The following SCFD2 variants were observed in gnomAD, a reference collection of about 807,000 sequenced individuals.
The protein encoded by SCFD2 is sec1 family domain containing 2.
In SCFD2, 54 loss-of-function variants were observed where a neutral mutation model predicts 58.9. The observed-to-expected ratio is 0.92, with a 90% CI of 0.74 to 1.15. The LOEUF (loss-of-function observed/expected upper bound fraction) is 1.15. Among genes scored for constraint, SCFD2 ranks in the 50% most tolerant of loss-of-function variants. SCFD2 has a pLI of 0.00. For missense variants in SCFD2, 805 were observed against 836.6 expected (o/e 0.96, Z 0.47); for synonymous variants, 321 against 335.9 (o/e 0.96, Z 0.49).
chr4:52,970,736 C>T (rs1359812369), intron 5 of SCFD2, among the ~76,000 whole-genome samples: 1 of 152,222 alleles, frequency 6.6e-6, no homozygotes, highest in Admixed American at 6.5e-5. Flanking sequence ...GGGTCCCTGA[C>T]CCCCGAGTAG....
chr4:52,922,145 G>A (rs1318872297), intron 5 of SCFD2, among the ~76,000 whole-genome samples: 1 of 152,158 alleles, frequency 6.6e-6, no homozygotes, highest in East Asian at 1.9e-4. Flanking sequence ...CAAGATAGTA[G>A]TGATTTGAAG....
chr4:53,139,159 G>A (rs1342775679), intron 5 of SCFD2, among the ~76,000 whole-genome samples: 11 of 152,154 alleles, frequency 7.2e-5, no homozygotes, highest in Non-Finnish European at 1.5e-4. Flanking sequence ...ACGGAGTCTC[G>A]CTCACTCAGT....
chr4:53,026,243 C>T (rs1722471584), intron 5 of SCFD2, among the ~76,000 whole-genome samples: 1 of 152,126 alleles, frequency 6.6e-6, no homozygotes, highest in Admixed American at 6.6e-5. Context: ...TTGTAAAAGA[C>T]ATTTCAAGAA....
At chr4:53,299,841 C>T (rs1368552669) in intron 3 of SCFD2, among the ~76,000 whole-genome samples, 1 of 152,136 alleles carries the variant, frequency 6.6e-6, no homozygotes, top group Non-Finnish European at 1.5e-5. Flanking sequence ...CATATCCAGC[C>T]AAACTAAGCT....
chr4:53,332,400 T>C (rs1276884742), intron 2 of SCFD2, among the ~76,000 whole-genome samples: 1 of 151,596 alleles, frequency 6.6e-6, no homozygotes, highest in Admixed American at 6.6e-5. Context: ...TTATCCACCA[T>C]GATCAAGTGG....
At chr4:53,026,432 T>G (rs1722475817) in intron 5 of SCFD2, among the ~76,000 whole-genome samples, 1 of 152,214 alleles carries the variant, frequency 6.6e-6, no homozygotes, top group African/African-American at 2.4e-5. Context: ...ACAGATGACT[T>G]AACATGAGAT....
At chr4:52,899,281 C>G (rs4495105) in intron 7 of SCFD2, among the ~76,000 whole-genome samples, 9 of 152,156 alleles carry the variant, frequency 5.9e-5, no homozygotes, top group Non-Finnish European at 1.3e-4. Context: ...TTTGCAGTGG[C>G]TGGTACCGGT....
chr4:52,997,338 G>A (rs7696803), intron 5 of SCFD2, among the ~76,000 whole-genome samples: 1 of 152,224 alleles, frequency 6.6e-6, no homozygotes, highest in African/African-American at 2.4e-5. Context: ...GGATCAAAGA[G>A]CTCTCAGGAA....
rs530242186 is a variant in SCFD2 at position 52,924,881 on chromosome 4, T to C, written c.1562-4011A>G. Among the ~76,000 whole-genome samples the C allele has an allele frequency of 6.6e-5, 10 of 152,302 alleles. No individual in the cohort carries two copies. The South Asian group carries it at 2.1e-3, about 32-fold the overall frequency. On this transcript the variant is annotated intron_variant, in intron 5 of 8. Coordinates refer to ENST00000401642, the MANE Select transcript of SCFD2 (RefSeq NM_152540.4). ...CTCCCACAATTCCACATCTCATCTG[T>C]GAATGCAGCTCATTCCAAATATATG...
intron 4 of SCFD2, among the ~76,000 whole-genome samples, chr4:53,198,288 T>C (rs1728120930): frequency 6.6e-6 from 1 of 152,076 alleles, no homozygotes. Context: ...TTTATCTTCA[T>C]CTTCAATTTC....
chr4:52,896,729 T>C (rs1240258993), intron 7 of SCFD2, among the ~76,000 whole-genome samples: 2 of 152,236 alleles, frequency 1.3e-5, no homozygotes, highest in Non-Finnish European at 2.9e-5. Flanking sequence ...GGGATGACAT[T>C]GAATCTATAA....
intron 8 of SCFD2, among the ~76,000 whole-genome samples, chr4:52,884,338 G>A (rs1414720961): frequency 6.6e-6 from 1 of 152,116 alleles, no homozygotes; most frequent in Non-Finnish European, 1.5e-5. Context: ...GTGGAGGTAG[G>A]AGGTGGCACA....
intron 5 of SCFD2, among the ~76,000 whole-genome samples, chr4:52,933,506 A>G (rs1720052464): frequency 6.6e-6 from 1 of 152,170 alleles, no homozygotes; most frequent in Non-Finnish European, 1.5e-5. Flanking sequence ...CATAGTTACT[A>G]TGTCCACCAT....
intron 4 of SCFD2, 27 bp from the exon 5 acceptor site, chr4:53,145,609 T>C: frequency 6.3e-7 from 1 of 1,597,712 alleles, no homozygotes; most frequent in Non-Finnish European, 8.6e-7. Context: ...TATGAAAATA[T>C]GTCAATCTTG....
intron 4 of SCFD2, among the ~76,000 whole-genome samples, chr4:53,207,576 A>ATATATATAATATATATATAATATT (rs1257243144): frequency 9.3e-4 from 47 of 50,546 alleles, no homozygotes; most frequent in Non-Finnish European, 2.0e-3. Context: ...TATAATATTT[A>ATATATATAATATATATATAATATT]TATATATATA....
At chr4:53,332,156 T>A (rs1319316263) in intron 2 of SCFD2, among the ~76,000 whole-genome samples, 6 of 150,858 alleles carry the variant, frequency 4.0e-5, no homozygotes, top group Non-Finnish European at 7.4e-5. Context: ...ACAGCCGAAT[T>A]CTATCAGAGG....
intron 5 of SCFD2, among the ~76,000 whole-genome samples, chr4:53,057,544 C>A (rs1166074077): frequency 3.9e-5 from 6 of 151,942 alleles, no homozygotes; most frequent in Non-Finnish European, 5.9e-5. Flanking sequence ...CACACCACGG[C>A]CTGTTGAGGG....
At chr4:52,965,093 C>T (rs937846091) in intron 5 of SCFD2, among the ~76,000 whole-genome samples, 5 of 152,012 alleles carry the variant, frequency 3.3e-5, no homozygotes, top group African/African-American at 7.2e-5. Context: ...TATTGAACAC[C>T]GTCTACATGC....
At chr4:53,227,938 C>T (rs1449729819) in intron 4 of SCFD2, among the ~76,000 whole-genome samples, 1 of 152,094 alleles carries the variant, frequency 6.6e-6, no homozygotes, top group Admixed American at 6.6e-5. Flanking sequence ...TTCAAATAAG[C>T]TCTTCAATGT....
Sources: allele counts gnomAD v4.1 joint callset (sites outside exome capture counted in the v4.1 genomes callset), GRCh38; gene constraint gnomAD v4.1.1; transcripts MANE v1.5; gene names NCBI Gene and HGNC (gene_info 2026-07-23, HGNC 2026-07-21).